Variants in IAH1 observed in about 807,000 individuals in gnomAD.
IAH1 encodes isoamyl acetate-hydrolyzing esterase 1 homolog.
Under a neutral mutation model 26.7 loss-of-function variants are expected in IAH1, and 24 were observed. The ratio of observed to expected loss-of-function variants is 0.90; its 90% CI spans 0.65 to 1.26. The LOEUF is 1.26. IAH1 is among the 50% of genes most tolerant of loss of function. The pLI is 0.00. For synonymous variants in IAH1, 140 were observed against 118.5 expected (o/e 1.18, Z -1.18); for missense variants, 300 against 299.9 (o/e 1.00, Z 0.00).
downstream of IAH1, chr2:9,497,157 A>C: frequency 1.9e-6 from 3 of 1,614,216 alleles, no homozygotes; most frequent in Non-Finnish European, 2.5e-6. Context: ...TCTCGCAGAA[A>C]GGGATGCATT....
intron 1 of IAH1, chr2:9,475,625 C>G (rs983670118): frequency 1.4e-5 from 4 of 277,008 alleles, no homozygotes; most frequent in South Asian, 7.9e-5. Flanking sequence ...CTCAGCCTCC[C>G]GAGTAGCTGG....
downstream of IAH1, among the ~76,000 whole-genome samples, chr2:9,497,572 T>A (rs556395876): frequency 6.6e-6 from 1 of 152,234 alleles, no homozygotes; most frequent in African/African-American, 2.4e-5. Context: ...AAACTTTGTA[T>A]GAAGGCTTAA....
At chr2:9,510,867 C>T in the IAH1 span, among the ~76,000 whole-genome samples, 1 of 152,152 alleles carries the variant, frequency 6.6e-6, no homozygotes, top group East Asian at 1.9e-4. Context: ...ATTCTTCTAC[C>T]AATTATATGA....
chr2:9,477,361 C>T (rs1660870077), intron 2 of IAH1, among the ~76,000 whole-genome samples: 1 of 152,024 alleles, frequency 6.6e-6, no homozygotes, highest in Admixed American at 6.6e-5. Flanking sequence ...GAACCCCAGG[C>T]GTCATTTTAA....
intron 4 of IAH1, 38 bp downstream of exon 4, chr2:9,481,485 G>A: frequency 6.2e-7 from 1 of 1,604,670 alleles, no homozygotes; most frequent in South Asian, 1.1e-5. Flanking sequence ...AATCTGGATA[G>A]GAATGCTGAG....
At position 9,474,632 on chromosome 2, in the gene IAH1, G is replaced by A. The variant is rs758643719; in HGVS notation, c.66G>A (p.Gly22=). 9 of 1,557,550 alleles carry A rather than the reference G, an allele frequency of 5.8e-6. No homozygotes were observed. Among genetic ancestry groups the A allele is most frequent in the Non-Finnish European group, 7.8e-6 (9 of 1,155,728 alleles). The change falls in exon 1 of 6, where the codon GGG becomes GGA. Residue 22 remains glycine, a synonymous_variant. Transcript: ENST00000497473. This position sits in a 1 kb window ranked among gnomAD's most constrained non-coding sequence, Gnocchi z 4.3. ...ALLWPRLLLF[G]DSITQFSFQQ... is the part of the protein sequence containing the mutation. ...TCTGGCCTCGCTTGTTGCTCTTCGG[G>A]GACTCCATCACCCAGGTACGGCCGC...
chr2:9,476,118 C>A, intron 2 of IAH1, 79 bp downstream of exon 2: 1 of 1,206,244 alleles, frequency 8.3e-7, no homozygotes, highest in East Asian at 2.4e-5. Context: ...AAGGATAGTT[C>A]TGAACAGAAC....
chr2:9,510,256 T>C, the IAH1 span: 1 of 1,082,964 alleles, frequency 9.2e-7, no homozygotes. Flanking sequence ...AAGAACTGCA[T>C]GCTTATAATA....
downstream of IAH1, chr2:9,490,289 G>A (rs1485698397): frequency 6.2e-7 from 1 of 1,614,192 alleles, no homozygotes; most frequent in Admixed American, 1.7e-5. Context: ...TGACTTGGCA[G>A]CTGTGCTGCT....
downstream of IAH1, among the ~76,000 whole-genome samples, chr2:9,499,420 G>T (rs1572893103): frequency 1.3e-5 from 2 of 150,840 alleles, no homozygotes; most frequent in Admixed American, 6.6e-5. Context: ...GTTTTTTTTT[G>T]AGATGGAGTC....
At chr2:9,502,152 G>C in the IAH1 span, 61 of 1,599,624 alleles carry the variant, frequency 3.8e-5, 1 homozygote, top group Non-Finnish European at 1.1e-5. Context: ...AGCATTCCAA[G>C]GAAGCAACAA....
At chr2:9,498,295 G>A (rs192500142), downstream of IAH1, among the ~76,000 whole-genome samples, 1 of 152,162 alleles carries the variant, frequency 6.6e-6, no homozygotes, top group Non-Finnish European at 1.5e-5. Flanking sequence ...GGCCTTCCAA[G>A]TGCTGGAATG....
At chr2:9,492,883 A>C, downstream of IAH1, 1 of 1,595,296 alleles carries the variant, frequency 6.3e-7, no homozygotes, top group Non-Finnish European at 8.6e-7. Flanking sequence ...AATTACTTAA[A>C]AGTTGATGAC....
chr2:9,511,336 G>T, the IAH1 span, among the ~76,000 whole-genome samples: 1 of 152,004 alleles, frequency 6.6e-6, no homozygotes, highest in Non-Finnish European at 1.5e-5. Flanking sequence ...TGTAATCCCG[G>T]CTACTCGGGA....
At chr2:9,484,583 A>G in intron 5 of IAH1, 33 bp downstream of exon 5, 1 of 1,417,248 alleles carries the variant, frequency 7.1e-7, no homozygotes, top group South Asian at 1.1e-5. Context: ...CTCGGGGTAA[A>G]TAGGATCACA....
At chr2:9,484,589 T>C (rs1042531533) in intron 5 of IAH1, 39 bp downstream of exon 5, 6 of 1,380,648 alleles carry the variant, frequency 4.3e-6, no homozygotes, top group Non-Finnish European at 3.1e-6. Context: ...GTAAATAGGA[T>C]CACACAGAAG....
At chr2:9,480,416 C>T (rs1020727370) in intron 3 of IAH1, among the ~76,000 whole-genome samples, 1 of 152,116 alleles carries the variant, frequency 6.6e-6, no homozygotes, top group Non-Finnish European at 1.5e-5. Context: ...GGGAGGGTCG[C>T]TTGGCCCCAG....
At chr2:9,499,950 A>T (rs1662902217), downstream of IAH1, among the ~76,000 whole-genome samples, 1 of 152,186 alleles carries the variant, frequency 6.6e-6, no homozygotes, top group Non-Finnish European at 1.5e-5. Flanking sequence ...CCCTCATACA[A>T]TGCTGCTGAG....
intron 2 of IAH1, among the ~76,000 whole-genome samples, chr2:9,476,970 C>T (rs2124897265): frequency 6.6e-6 from 1 of 152,330 alleles, no homozygotes; most frequent in South Asian, 2.1e-4. Context: ...GCAGCCTCCA[C>T]CTCTGGGGCT....
Sources: gnomAD v4.1 joint callset for allele counts (sites outside exome capture counted in the v4.1 genomes callset) on GRCh38, gnomAD v4.1.1 for gene constraint, Gnocchi (gnomAD v3.1) non-coding constraint, MANE v1.5 for transcripts, NCBI Gene and HGNC (gene_info 2026-07-23, HGNC 2026-07-21) for gene names.